Variants in CSMD3 observed in about 807,000 individuals in gnomAD.
CSMD3 encodes the protein CUB and Sushi multiple domains 3.
A neutral mutation model predicts 435.2 loss-of-function variants in CSMD3; 177 were observed. The observed-to-expected ratio is 0.41, with a 90% CI of 0.36 to 0.46. The LOEUF is 0.46. CSMD3 is among the 20% of genes least tolerant of loss of function. The pLI, the probability that CSMD3 is intolerant of heterozygous loss-of-function variation, is 0.34. For synonymous variants in CSMD3, 1,656 were observed against 1,520.5 expected (o/e 1.09, Z -2.07); for missense variants, 4,265 against 4,504.6 (o/e 0.95, Z 1.52).
In CSMD3 at chr8:112,492,377, A is replaced by T. The variant is rs931008995; in HGVS notation, c.5278+112T>A. ...ATAAAATCTCTGCATTGCTAGTACG[A>T]CACTTGTAGATTGTATGTGGAATAG... On this transcript the variant is annotated intron_variant, in intron 31 of 70. Coordinates refer to ENST00000297405, the MANE Select transcript of CSMD3 (RefSeq NM_198123.2). The T allele has an allele frequency of 3.6e-6, 3 of 833,574 alleles. No individual in the cohort carries two copies. The African/African-American group carries it at 5.1e-5, about 14-fold the overall frequency. The allele number at this position is 833,574 out of a possible 1,614,324, so 51.6% of individuals were successfully genotyped here. A position where few individuals can be genotyped will look rare whatever the true frequency, so the allele number is the denominator to read the frequency against.
intron 32 of CSMD3, among the ~76,000 whole-genome samples, chr8:112,417,492 AC>A (rs1812037548): frequency 6.6e-6 from 1 of 152,184 alleles, no homozygotes. Flanking sequence ...CAGTCAGAAA[AC>A]TTACTGATAG....
At chr8:112,237,878 G>A (rs1813737586) in intron 66 of CSMD3, among the ~76,000 whole-genome samples, 1 of 151,996 alleles carries the variant, frequency 6.6e-6, no homozygotes, top group Non-Finnish European at 1.5e-5. Flanking sequence ...TCCTGAAGAA[G>A]AACAGGGCTG....
intron 41 of CSMD3, among the ~76,000 whole-genome samples, chr8:112,343,743 T>TC (rs986668782): frequency 7.4e-4 from 113 of 152,314 alleles, no homozygotes; most frequent in African/African-American, 2.6e-3. Context: ...ACTCCGGTAC[T>TC]CAAGCAGTCC....
chr8:112,380,431 A>G lies in CSMD3; in HGVS notation c.6057T>C (p.Asn2019=). 1 of 1,588,546 alleles carries G rather than the reference A, an allele frequency of 6.3e-7. No individual in the cohort carries two copies. Among genetic ancestry groups the G allele is most frequent in the African/African-American group, 1.3e-5 (1 of 74,502 alleles). The change falls in exon 38 of 71, where the codon AAT becomes AAC. Residue 2019 remains asparagine (N), a synonymous_variant. Transcript: ENST00000297405. ...YSGTTIPHLL[N]STSNNLYLNF... ...TTAGATACAGATTATTAGACGTACT[A>G]TTCAAAAGATGGGGTATTGTTGTTC...
chr8:113,311,854 A>G (rs1294563302), intron 2 of CSMD3: 1 of 152,158 alleles, frequency 6.6e-6, no homozygotes, highest in Non-Finnish European at 1.5e-5. Context: ...TCTAAAGACT[A>G]TATTATAACA....
At chr8:112,553,618 C>G (rs1290932462) in intron 25 of CSMD3, among the ~76,000 whole-genome samples, 1 of 152,032 alleles carries the variant, frequency 6.6e-6, no homozygotes, top group Non-Finnish European at 1.5e-5. Context: ...GCTTTCCCAG[C>G]TCTGTTTGTC....
chr8:112,985,817 G>C (rs2085235065), intron 6 of CSMD3, among the ~76,000 whole-genome samples: 1 of 152,116 alleles, frequency 6.6e-6, no homozygotes, highest in Non-Finnish European at 1.5e-5. Flanking sequence ...ATCACCCCCA[G>C]ATGGGACCAC....
intron 38 of CSMD3, among the ~76,000 whole-genome samples, chr8:112,361,568 C>CATATATATAT (rs1239098509): frequency 8.4e-5 from 3 of 35,596 alleles, no homozygotes; most frequent in African/African-American, 1.2e-4. Context: ...TATATATACA[C>CATATATATAT]ATACATATAT....
At chr8:112,573,797 TG>T in intron 23 of CSMD3, 140 bp from the exon 24 acceptor site, 1 of 663,482 alleles carries the variant, frequency 1.5e-6, no homozygotes, top group Non-Finnish European at 2.6e-6. Flanking sequence ...CTAAATATAT[TG>T]GTTTCTATGA....
intron 23 of CSMD3, among the ~76,000 whole-genome samples, chr8:112,584,353 C>T (rs1361821437): frequency 6.6e-6 from 1 of 151,502 alleles, no homozygotes; most frequent in East Asian, 1.9e-4. Flanking sequence ...CTAGAGGAGT[C>T]ATATGATGGC....
intron 1 of CSMD3, among the ~76,000 whole-genome samples, chr8:113,386,504 C>A (rs1337118639): frequency 4.6e-5 from 7 of 151,862 alleles, no homozygotes; most frequent in Non-Finnish European, 1.5e-5. Flanking sequence ...GTCATCCCTG[C>A]ACTCTTTTTG....
Position 112,291,623 on chromosome 8 carries a change from G to A in CSMD3, c.8861C>T (p.Thr2954Ile). The A allele has an allele frequency of 1.9e-6, 3 of 1,611,546 alleles. No individual in the cohort carries two copies. Among genetic ancestry groups the A allele is most frequent in the Non-Finnish European group, 2.5e-6 (3 of 1,178,052 alleles). ...RESKIEHGNF[T>I]YGTVVFYDCN... is the part of the protein sequence containing the mutation. ...GTCATAGAATACCACAGTGCCGTAA[G>A]TAAAATTTCCATGTTCTATTTTACT... The change falls in exon 56 of 71, where the codon ACT becomes ATT. Residue 2954 changes from threonine (T) to isoleucine (I), a missense_variant. Physicochemically the swap from Thr to Ile is moderately conservative, Grantham distance 89. This residue lies in a region of CSMD3 where 3,255 missense variants were observed against 3,380.2 expected (regional missense o/e 0.96). Coordinates refer to ENST00000297405, the MANE Select transcript of CSMD3 (RefSeq NM_198123.2).
chr8:112,955,794 C>T (rs530007529), intron 7 of CSMD3, among the ~76,000 whole-genome samples: 1 of 151,702 alleles, frequency 6.6e-6, no homozygotes, highest in Non-Finnish European at 1.5e-5. Flanking sequence ...GGATGACAGC[C>T]TTAAATGTTA....
intron 7 of CSMD3, among the ~76,000 whole-genome samples, chr8:112,957,575 C>A (rs1205125269): frequency 7.0e-6 from 1 of 143,558 alleles, no homozygotes; most frequent in East Asian, 2.2e-4. Flanking sequence ...TGCCTCAGCC[C>A]CTCGAGTAGC....
rs79530108 is a variant in CSMD3, at chr8:112,308,046, G to A, written c.7886-1854C>T. Among the ~76,000 whole-genome samples, 996 of 152,178 alleles carry A rather than the reference G, an allele frequency of 6.5e-3. 9 individuals are homozygous for A. The Middle Eastern group carries it at 0.075, about 11-fold the overall frequency. On this transcript the variant is annotated intron_variant, in intron 50 of 70. Transcript: ENST00000297405. The stretch of plus-strand genomic sequence containing the variant: ...GCAGAATCCCTACTGCTGAATAATT[G>A]ATCTTCTGTAATTTGGTAACCTGTA...
chr8:112,693,900 C>T (rs2076194131), intron 13 of CSMD3, among the ~76,000 whole-genome samples: 1 of 151,482 alleles, frequency 6.6e-6, no homozygotes, highest in South Asian at 2.1e-4. Context: ...TACACATATA[C>T]ACACACATTT....
chr8:113,023,778 A>AT (rs1394595450), intron 5 of CSMD3, among the ~76,000 whole-genome samples: 2 of 152,014 alleles, frequency 1.3e-5, no homozygotes, highest in Non-Finnish European at 2.9e-5. Context: ...TCATATCTTA[A>AT]TTTTTTATGT....
intron 5 of CSMD3, among the ~76,000 whole-genome samples, chr8:113,035,267 GA>G (rs1293243244): frequency 6.6e-6 from 1 of 151,972 alleles, no homozygotes; most frequent in African/African-American, 2.4e-5. Flanking sequence ...TGTCAGGAAT[GA>G]AAATGGATTA....
At chr8:113,231,434 C>T (rs1428291955) in intron 3 of CSMD3, among the ~76,000 whole-genome samples, 1 of 151,260 alleles carries the variant, frequency 6.6e-6, no homozygotes, top group East Asian at 1.9e-4. Flanking sequence ...CATTTAAGGG[C>T]TCACTAATAC....
Sources: gnomAD v4.1 joint callset for allele counts (sites outside exome capture counted in the v4.1 genomes callset) on GRCh38, gnomAD v4.1.1 for gene constraint, gnomAD v4.1.1 regional missense constraint, MANE v1.5 for transcripts, NCBI Gene and HGNC (gene_info 2026-07-23, HGNC 2026-07-21) for gene names.